TUNAR: variants seen among roughly 807,000 people sequenced by gnomAD.
TUNAR encodes protein TUNAR.
At chr14:95,885,743 C>T (rs1889066013) in intron 2 of TUNAR, among the ~76,000 whole-genome samples, 1 of 152,166 alleles carries the variant, frequency 6.6e-6, no homozygotes, top group Non-Finnish European at 1.5e-5. Context: ...AGGGGTTTGA[C>T]TCAGGATTTG....
chr14:95,889,231 G>A (rs147477599), intron 2 of TUNAR, among the ~76,000 whole-genome samples: 2 of 152,074 alleles, frequency 1.3e-5, no homozygotes, highest in Non-Finnish European at 2.9e-5. Flanking sequence ...CTGTTTTCAT[G>A]GGCCTCTTCC....
intron 2 of TUNAR, among the ~76,000 whole-genome samples, chr14:95,879,996 G>A (rs58750923): frequency 0.018 from 2,806 of 152,298 alleles, 53 homozygotes; most frequent in East Asian, 0.08. Context: ...TGGACTGATC[G>A]GAGTGTGAGG....
intron 2 of TUNAR, among the ~76,000 whole-genome samples, chr14:95,878,768 C>T: frequency 6.6e-6 from 1 of 152,166 alleles, no homozygotes; most frequent in Non-Finnish European, 1.5e-5. Flanking sequence ...ATAAAATGTT[C>T]CAAGCTACCA....
chr14:95,902,498 A>G (rs1378480285), intron 2 of TUNAR, among the ~76,000 whole-genome samples: 1 of 152,262 alleles, frequency 6.6e-6, no homozygotes, highest in African/African-American at 2.4e-5. Flanking sequence ...AAAGAAAAAT[A>G]TTCATGAAAT....
At chr14:95,920,277 G>A (rs544057973) in intron 2 of TUNAR, among the ~76,000 whole-genome samples, 32 of 152,092 alleles carry the variant, frequency 2.1e-4, no homozygotes, top group Admixed American at 1.4e-3. Context: ...ATTGGATGGG[G>A]CACTGTGGGA....
intron 2 of TUNAR, among the ~76,000 whole-genome samples, chr14:95,891,290 G>T (rs940880133): frequency 1.3e-5 from 2 of 152,170 alleles, no homozygotes; most frequent in Non-Finnish European, 2.9e-5. Flanking sequence ...ACCCACCTCC[G>T]AGTCTGAAGA....
At chr14:95,901,168 C>T (rs1346433219) in intron 2 of TUNAR, among the ~76,000 whole-genome samples, 7 of 152,134 alleles carry the variant, frequency 4.6e-5, no homozygotes, top group Admixed American at 1.3e-4. Context: ...TTGTCTGGCT[C>T]GGTGTAAGAG....
chr14:95,883,689 C>G (rs1184481191), intron 2 of TUNAR, among the ~76,000 whole-genome samples: 2 of 152,164 alleles, frequency 1.3e-5, no homozygotes, highest in Admixed American at 6.5e-5. Context: ...GGGGCCTTCT[C>G]TCTCCTCTCA....
chr14:95,888,378 C>A (rs1403536552), intron 2 of TUNAR, among the ~76,000 whole-genome samples: 1 of 152,152 alleles, frequency 6.6e-6, no homozygotes, highest in Non-Finnish European at 1.5e-5. Flanking sequence ...TGTATTGGTG[C>A]ATACAAAAAC....
At chr14:95,908,707 A>G (rs1477588202) in intron 2 of TUNAR, among the ~76,000 whole-genome samples, 1 of 152,136 alleles carries the variant, frequency 6.6e-6, no homozygotes, top group African/African-American at 2.4e-5. Flanking sequence ...TCCCCTCTCC[A>G]TGTACACTAT....
At chr14:95,911,613 C>T (rs975814232) in intron 2 of TUNAR, among the ~76,000 whole-genome samples, 1 of 152,160 alleles carries the variant, frequency 6.6e-6, no homozygotes, top group Non-Finnish European at 1.5e-5. Flanking sequence ...AGCTTGCCAT[C>T]GTAGATAGGA....
intron 2 of TUNAR, among the ~76,000 whole-genome samples, chr14:95,898,940 A>G (rs979819700): frequency 2.6e-4 from 40 of 152,302 alleles, no homozygotes; most frequent in African/African-American, 9.6e-4. Flanking sequence ...CAATGAGTAA[A>G]CAGGCTGAGA....
At chr14:95,920,609 G>C (rs1342475511) in intron 2 of TUNAR, among the ~76,000 whole-genome samples, 1 of 152,146 alleles carries the variant, frequency 6.6e-6, no homozygotes, top group Non-Finnish European at 1.5e-5. Flanking sequence ...CTTCACTGAT[G>C]TGCTTGCCTC....
At chr14:95,879,581 CTT>C (rs1201086941) in intron 2 of TUNAR, among the ~76,000 whole-genome samples, 2 of 152,172 alleles carry the variant, frequency 1.3e-5, no homozygotes, top group African/African-American at 4.8e-5. Context: ...AAACATTACT[CTT>C]GTTACTGATA....
intron 2 of TUNAR, among the ~76,000 whole-genome samples, chr14:95,913,750 T>C (rs909183371): frequency 1.3e-5 from 2 of 152,146 alleles, no homozygotes; most frequent in Non-Finnish European, 2.9e-5. Context: ...CTTTTTTTTT[T>C]TGAGACAGAG....
At chr14:95,919,573 C>T (rs1266037361) in intron 2 of TUNAR, among the ~76,000 whole-genome samples, 3 of 151,952 alleles carry the variant, frequency 2.0e-5, no homozygotes, top group Non-Finnish European at 4.4e-5. Context: ...TTTAGCTGGG[C>T]GTGGTGGTGC....
At chr14:95,905,401 C>T (rs1212862069) in intron 2 of TUNAR, among the ~76,000 whole-genome samples, 1 of 152,188 alleles carries the variant, frequency 6.6e-6, no homozygotes, top group Admixed American at 6.5e-5. Context: ...TCTTCCATGA[C>T]CCTAACACTT....
chr14:95,879,905 A>G (rs1046912644), intron 2 of TUNAR, among the ~76,000 whole-genome samples: 5 of 152,242 alleles, frequency 3.3e-5, no homozygotes, highest in Non-Finnish European at 7.3e-5. Flanking sequence ...CCATGCCCTC[A>G]TGATTGCAGC....
exon 3 of TUNAR, chr14:95,924,552 G>GACTT (rs1185492661): frequency 6.6e-6 from 1 of 152,350 alleles, no homozygotes; most frequent in Non-Finnish European, 1.5e-5. Flanking sequence ...AGGTTTATTG[G>GACTT]ACTTACAGTT....
Sources: allele counts gnomAD v4.1 joint callset (sites outside exome capture counted in the v4.1 genomes callset), GRCh38; gene constraint gnomAD v4.1.1; transcripts MANE v1.5; gene names NCBI Gene and HGNC (gene_info 2026-07-23, HGNC 2026-07-21).